The following FRAS1 variants were observed in gnomAD, a reference collection of about 807,000 sequenced individuals.
FRAS1 encodes Fraser extracellular matrix complex subunit 1, also known as extracellular matrix organizing protein FRAS1.
Under a neutral mutation model 435.2 loss-of-function variants are expected in FRAS1, and 290 were observed. That is an observed-to-expected ratio of 0.67 (90% CI 0.61 to 0.73). The LOEUF (loss-of-function observed/expected upper bound fraction) is 0.73, where lower values mean the gene tolerates loss of function less well. Among genes scored for constraint, FRAS1 ranks in the 30% least tolerant of loss-of-function variants. The probability of loss-of-function intolerance (pLI) is 0.00; values close to 1 mark genes in which losing one functional copy is unlikely to be tolerated. For synonymous variants in FRAS1, 1,800 were observed against 1,851.0 expected (o/e 0.97, Z 0.71); for missense variants, 4,860 against 5,001.5 (o/e 0.97, Z 0.85).
Position 78,304,091 on chromosome 4 carries a change from T to C in FRAS1, c.1535-3975T>C, listed in dbSNP as rs557679679. On this transcript the variant is annotated intron_variant, in intron 14 of 73. Coordinates refer to ENST00000512123, the MANE Select transcript of FRAS1 (RefSeq NM_025074.7). Reference sequence around the variant, plus strand: ...GTGTTGTTGAATTTTGTCAAAGGCCTTTTCTGCATCTATTAAGATAATCAT... The same window carrying C: ...GTGTTGTTGAATTTTGTCAAAGGCCCTTTCTGCATCTATTAAGATAATCAT... Among the ~76,000 whole-genome samples, 874 of 149,888 alleles carry C rather than the reference T, an allele frequency of 5.8e-3. 12 individuals are homozygous for C. The highest frequency in any genetic ancestry group is 0.02 in the African/African-American group (813 of 40,260).
chr4:78,068,338 A>G (rs1311518943), intron 2 of FRAS1, among the ~76,000 whole-genome samples: 3 of 152,210 alleles, frequency 2.0e-5, no homozygotes, highest in African/African-American at 7.2e-5. Context: ...ACATTTGATC[A>G]AAGACATACT....
At chr4:78,304,539 C>T (rs1728601941) in intron 14 of FRAS1, among the ~76,000 whole-genome samples, 1 of 152,064 alleles carries the variant, frequency 6.6e-6, no homozygotes, top group Non-Finnish European at 1.5e-5. Context: ...GCCACAATTT[C>T]AGCTCCTGTT....
intron 2 of FRAS1, among the ~76,000 whole-genome samples, chr4:78,160,054 G>A (rs150943746): frequency 1.3e-5 from 2 of 152,102 alleles, no homozygotes; most frequent in Admixed American, 1.3e-4. Context: ...GTCAGAGTGG[G>A]TATCTATTGC....
At chr4:78,242,830 C>G (rs1468923296) in intron 3 of FRAS1, among the ~76,000 whole-genome samples, 1 of 152,198 alleles carries the variant, frequency 6.6e-6, no homozygotes, top group Non-Finnish European at 1.5e-5. Context: ...AACCTAGTGT[C>G]AATGGCAATG....
intron 24 of FRAS1, among the ~76,000 whole-genome samples, chr4:78,373,509 G>A (rs1731597210): frequency 6.6e-6 from 1 of 150,690 alleles, no homozygotes; most frequent in South Asian, 2.1e-4. Context: ...CAGGAATGGT[G>A]GCTCACGTCT....
rs35627834 is a variant in FRAS1 at position 78,409,118 on chromosome 4, C to CAAA, written c.4308+1292_4308+1294dup. Among the ~76,000 whole-genome samples the CAAA allele has an allele frequency of 1.8e-3, 173 of 94,302 alleles. 5 individuals carry two copies. The highest frequency in any genetic ancestry group is 4.0e-3 in the East Asian group (13 of 3,276). 61.9% of individuals were successfully genotyped at this position (94,302 alleles called of 152,430 possible). On this transcript the variant is annotated intron_variant, in intron 31 of 73. Coordinates refer to ENST00000512123, the MANE Select transcript of FRAS1 (RefSeq NM_025074.7). ...TGGATGACAGAGCGAGACCCTCTCT[C>CAAA]AAAAAAAAAAAAAAAAAGACAAAAA... is the stretch of plus-strand genomic sequence containing the variant.
rs576001062 is a variant in FRAS1, at chr4:78,408,227, T to C, written c.4308+386T>C. Among the ~76,000 whole-genome samples, 5 of 152,150 alleles carry C rather than the reference T, an allele frequency of 3.3e-5. No individual in the cohort carries two copies. In the East Asian group the frequency reaches 9.7e-4, roughly 29 times the overall value. On this transcript the variant is annotated intron_variant, in intron 31 of 73. Transcript: ENST00000512123. ...GGAAACTGCCCCCGTGATTGTTGTC[T>C]CCCACCGGGTCCCTCCAACACATGG... is the stretch of plus-strand genomic sequence containing the variant.
At chr4:78,058,357 T>G (rs1739577896) in intron 1 of FRAS1, among the ~76,000 whole-genome samples, 1 of 151,958 alleles carries the variant, frequency 6.6e-6, no homozygotes, top group Non-Finnish European at 1.5e-5. Flanking sequence ...CCGATGGAGG[T>G]GACATCTCTG....
At chr4:78,331,203 C>T (rs1729935205) in intron 18 of FRAS1, among the ~76,000 whole-genome samples, 1 of 152,166 alleles carries the variant, frequency 6.6e-6, no homozygotes, top group Non-Finnish European at 1.5e-5. Flanking sequence ...TCTCTAGGTT[C>T]TGTTTATCAT....
At chr4:78,116,129 G>T (rs1276179019) in intron 2 of FRAS1, among the ~76,000 whole-genome samples, 1 of 152,296 alleles carries the variant, frequency 6.6e-6, no homozygotes, top group African/African-American at 2.4e-5. Flanking sequence ...TTTCCATGTA[G>T]TTGAGCAGTT....
chr4:78,451,951 T>C (rs1719034534), intron 46 of FRAS1, 60 bp downstream of exon 46: 1 of 1,515,538 alleles, frequency 6.6e-7, no homozygotes, highest in Non-Finnish European at 8.9e-7. Flanking sequence ...GGTTATATAG[T>C]TTACACTTTG....
intron 2 of FRAS1, among the ~76,000 whole-genome samples, chr4:78,222,268 A>G (rs1560588545): frequency 6.6e-6 from 1 of 152,176 alleles, no homozygotes; most frequent in Non-Finnish European, 1.5e-5. Context: ...TTCATGGTCC[A>G]GTTATTCAAA....
chr4:78,173,216 T>C (rs1348512679), intron 2 of FRAS1, among the ~76,000 whole-genome samples: 1 of 152,158 alleles, frequency 6.6e-6, no homozygotes, highest in Non-Finnish European at 1.5e-5. Context: ...CAATGTGAGG[T>C]CTTCTAGGTC....
rs1204236606 is a variant in FRAS1 at position 78,473,607 on chromosome 4, T to C, written c.7682+10T>C. ...GCTTTAAATATACCAGGTACAAGTT[T>C]TACTGTGCTTTCCTTCTTGAGAAAT... On this transcript the variant is annotated intron_variant, in intron 53 of 73. Transcript: ENST00000512123. 6.4e-7 allele frequency: 1 copy of C among 1,557,440 alleles called. No homozygotes were observed. Among genetic ancestry groups the C allele is most frequent in the Non-Finnish European group, 8.7e-7 (1 of 1,148,068 alleles).
intron 26 of FRAS1, among the ~76,000 whole-genome samples, chr4:78,378,971 T>G (rs941896514): frequency 6.6e-6 from 1 of 152,142 alleles, no homozygotes; most frequent in African/African-American, 2.4e-5. Flanking sequence ...TACTCCTATA[T>G]TTTCTTCTAA....
Position 78,407,845 on chromosome 4 carries a change from C to A in FRAS1, c.4308+4C>A. The A allele has an allele frequency of 6.3e-7, 1 of 1,583,792 alleles. No homozygotes were observed. The highest frequency in any genetic ancestry group is 1.2e-5 in the South Asian group (1 of 85,916). On this transcript the variant is annotated splice_donor_region_variant and intron_variant, in intron 31 of 73. Coordinates refer to ENST00000512123, the MANE Select transcript of FRAS1 (RefSeq NM_025074.7). Reference sequence around the variant, plus strand: ...GAGCGACTCCTTCCGCTTCGAGGTACCCTCTGCTTCCTGACTTTTCTGAAG... The same window carrying A: ...GAGCGACTCCTTCCGCTTCGAGGTAACCTCTGCTTCCTGACTTTTCTGAAG...
intron 9 of FRAS1, among the ~76,000 whole-genome samples, chr4:78,274,898 A>G (rs1726914781): frequency 6.6e-6 from 1 of 152,100 alleles, no homozygotes; most frequent in Non-Finnish European, 1.5e-5. Flanking sequence ...TGATCTGTCT[A>G]ATGTTGACAG....
At position 78,387,519 on chromosome 4, in the gene FRAS1, T is replaced by C. The variant is rs1231547043; in HGVS notation, c.3793T>C (p.Leu1265=). Residue 1265 remains leucine (L), a synonymous_variant, in exon 29 of 74, where the codon TTG becomes CTG. Transcript: ENST00000512123. ...EIIDPPLHGQ[L]LQTLQSPATP... ...AATCGATCCTCCACTTCATGGCCAA[T>C]TGCTTCAGACACTTCAGTCCCCGGC... The C allele has an allele frequency of 1.2e-6, 2 of 1,613,778 alleles. No individual in the cohort carries two copies. Among genetic ancestry groups the C allele is most frequent in the Admixed American group, 3.3e-5 (2 of 59,998 alleles).
rs777164228 is a variant in FRAS1, at chr4:78,515,980, C to T, written c.10356C>T (p.Asp3452=). ...ATTATGACATGACTGAGCTGATTGA[C>T]GTCTGTGGGGGCTCTGTAACCGCTG... ...DAYYDMTELI[D]VCGGSVTADF... Residue 3452 remains aspartate, a synonymous_variant, in exon 66 of 74, where the codon GAC becomes GAT. Coordinates refer to ENST00000512123, the MANE Select transcript of FRAS1 (RefSeq NM_025074.7). 13 of 1,613,534 alleles carry T rather than the reference C, an allele frequency of 8.1e-6. No homozygotes were observed. Among genetic ancestry groups the T allele is most frequent in the Middle Eastern group, 1.6e-4 (1 of 6,084 alleles).
Sources: gnomAD v4.1 joint callset for allele counts (sites outside exome capture counted in the v4.1 genomes callset) on GRCh38, gnomAD v4.1.1 for gene constraint, MANE v1.5 for transcripts, NCBI Gene and HGNC (gene_info 2026-07-23, HGNC 2026-07-21) for gene names.